CUL1: variants seen among roughly 807,000 people sequenced by gnomAD.
CUL1 encodes cullin 1, also known as cullin-1.
CUL1 carries 24 observed loss-of-function variants against 118.0 expected under a neutral mutation model. That is an observed-to-expected ratio of 0.20 (90% confidence interval 0.15 to 0.29). The LOEUF (loss-of-function observed/expected upper bound fraction) is 0.29. Among genes scored for constraint, CUL1 ranks in the 10% least tolerant of loss-of-function variants. The pLI is 1.00. For synonymous variants in CUL1, 332 were observed against 340.4 expected (o/e 0.98, Z 0.27); for missense variants, 361 against 933.8 (o/e 0.39, Z 7.99).
intron 9 of CUL1, among the ~76,000 whole-genome samples, chr7:148,772,648 T>C (rs1424681426): frequency 1.3e-5 from 2 of 152,204 alleles, no homozygotes; most frequent in Non-Finnish European, 2.9e-5. Flanking sequence ...GCCTTGCCTT[T>C]GTCCTTGTCA....
At position 148,795,042 on chromosome 7, in the gene CUL1, A is replaced by C. The variant is rs530831268; in HGVS notation, c.1899+2224A>C. ...CAGACAGGGTTTCACCATGTTGACC[A>C]GGCTGGTCTTGAACTCCTGACCTCA... On this transcript the variant is annotated intron_variant, in intron 17 of 21. Transcript: ENST00000325222. Among the ~76,000 whole-genome samples the C allele has an allele frequency of 1.6e-4, 25 of 152,228 alleles. No homozygotes were observed. In the East Asian group the frequency reaches 4.6e-3, roughly 28 times the overall value.
intron 9 of CUL1, among the ~76,000 whole-genome samples, chr7:148,770,682 T>C (rs1800179284): frequency 6.6e-6 from 1 of 152,204 alleles, no homozygotes; most frequent in Non-Finnish European, 1.5e-5. Context: ...TCGCCATCTC[T>C]GGGAAAGCCC....
intron 1 of CUL1, among the ~76,000 whole-genome samples, chr7:148,714,616 G>A (rs1798153504): frequency 6.6e-6 from 1 of 152,168 alleles, no homozygotes; most frequent in Admixed American, 6.5e-5. Flanking sequence ...CTGGTTTGGA[G>A]TCTGTCTGTC....
intron 2 of CUL1, among the ~76,000 whole-genome samples, chr7:148,753,471 G>C (rs1799558505): frequency 7.1e-6 from 1 of 140,086 alleles, no homozygotes; most frequent in African/African-American, 2.5e-5. Context: ...TCACTGATAA[G>C]TTTTAGATGG....
intron 9 of CUL1, among the ~76,000 whole-genome samples, chr7:148,768,051 G>T (rs186385593): frequency 6.6e-6 from 1 of 151,968 alleles, no homozygotes; most frequent in African/African-American, 2.4e-5. Context: ...GAAACAAAAG[G>T]CTCCTGGAAG....
intron 2 of CUL1, among the ~76,000 whole-genome samples, chr7:148,740,281 C>G (rs1297708641): frequency 6.6e-6 from 1 of 152,138 alleles, no homozygotes; most frequent in Non-Finnish European, 1.5e-5. Flanking sequence ...TCTTGAACTC[C>G]TGACCTCCAG....
chr7:148,761,480 C>T (rs982070420), intron 7 of CUL1, among the ~76,000 whole-genome samples: 4 of 152,128 alleles, frequency 2.6e-5, no homozygotes, highest in African/African-American at 9.7e-5. Flanking sequence ...CACTGCCCTC[C>T]AGCCTGGGTG....
chr7:148,754,222 G>C, intron 3 of CUL1, 72 bp downstream of exon 3: 2 of 1,024,574 alleles, frequency 2.0e-6, no homozygotes, highest in Non-Finnish European at 2.8e-6. Flanking sequence ...GTTCTAACTT[G>C]TTAAATCTTT....
intron 4 of CUL1, 79 bp from the exon 5 acceptor site, chr7:148,759,225 G>T: frequency 7.4e-7 from 1 of 1,346,396 alleles, no homozygotes; most frequent in Non-Finnish European, 1.1e-6. Context: ...AGTAATTTGA[G>T]ATTTAGGTTA....
intron 2 of CUL1, among the ~76,000 whole-genome samples, chr7:148,736,800 G>T (rs780671953): frequency 5.3e-5 from 8 of 152,206 alleles, no homozygotes; most frequent in Non-Finnish European, 1.0e-4. Context: ...GAAGACTGTT[G>T]ACATGGAATA....
At chr7:148,728,126 G>A (rs563042246) in intron 1 of CUL1, among the ~76,000 whole-genome samples, 28 of 152,310 alleles carry the variant, frequency 1.8e-4, no homozygotes, top group African/African-American at 6.3e-4. Context: ...AATGAAGTCC[G>A]TAGCAGTTGA....
intron 2 of CUL1, among the ~76,000 whole-genome samples, chr7:148,747,536 C>T (rs1204025232): frequency 6.6e-6 from 1 of 152,060 alleles, no homozygotes; most frequent in Non-Finnish European, 1.5e-5. Flanking sequence ...TGAGAGCTGA[C>T]GTTTCCATGG....
intron 1 of CUL1, among the ~76,000 whole-genome samples, chr7:148,702,862 A>T (rs1012939457): frequency 5.3e-5 from 8 of 152,178 alleles, no homozygotes; most frequent in African/African-American, 1.9e-4. Context: ...TGGGACAGGG[A>T]CACTGTGATA....
At chr7:148,711,187 T>C (rs747138728) in intron 1 of CUL1, among the ~76,000 whole-genome samples, 5 of 152,264 alleles carry the variant, frequency 3.3e-5, no homozygotes, top group Non-Finnish European at 5.9e-5. Context: ...TCTGTGCATA[T>C]ATGTTTCTCC....
In CUL1 at chr7:148,759,515, C is replaced by A. The variant is rs1291875935; in HGVS notation, c.535-33C>A. On this transcript the variant is annotated intron_variant, in intron 5 of 21. Coordinates refer to ENST00000325222, the MANE Select transcript of CUL1 (RefSeq NM_003592.3). ...TAGTAATATATATCATATTCTATAA[C>A]CTGTGTAATATTTTTCTACATCCTT... 5 of 1,418,688 alleles carry A rather than the reference C, an allele frequency of 3.5e-6. No homozygotes were observed. The African/African-American group carries it at 4.3e-5, about 12-fold the overall frequency. 87.9% of individuals were successfully genotyped at this position (1,418,688 alleles called of 1,614,324 possible).
At chr7:148,731,886 ATAGC>A (rs1212605318) in intron 2 of CUL1, among the ~76,000 whole-genome samples, 1 of 152,164 alleles carries the variant, frequency 6.6e-6, no homozygotes, top group African/African-American at 2.4e-5. Flanking sequence ...ACTCAGTTGT[ATAGC>A]TAGTCTACAT....
In CUL1 at chr7:148,760,316, C is replaced by T. The variant is rs1362319162; in HGVS notation, c.626-17C>T. ...AAAAAATAGGGTAATTGAAATATAG[C>T]TCATATTCATTTCTAGTGGAATTGG... On this transcript the variant is annotated splice_polypyrimidine_tract_variant and intron_variant, in intron 6 of 21. Coordinates refer to ENST00000325222, the MANE Select transcript of CUL1 (RefSeq NM_003592.3). 3.8e-6 allele frequency: 6 copies of T among 1,589,606 alleles called. No individual in the cohort carries two copies. Among genetic ancestry groups the T allele is most frequent in the Non-Finnish European group, 5.1e-6 (6 of 1,170,028 alleles).
intron 1 of CUL1, among the ~76,000 whole-genome samples, chr7:148,717,267 G>A (rs1234224581): frequency 2.0e-5 from 3 of 152,094 alleles, no homozygotes; most frequent in African/African-American, 7.2e-5. Flanking sequence ...ATGTTGGCCA[G>A]GCTGGTCGCG....
At chr7:148,781,079 ATTT>A (rs1197920664) in intron 9 of CUL1, among the ~76,000 whole-genome samples, 30 of 93,724 alleles carry the variant, frequency 3.2e-4, no homozygotes, top group African/African-American at 1.1e-3. Context: ...TCAAGGCCAG[ATTT>A]TTTTTTTTTT....
Sources: allele counts gnomAD v4.1 joint callset (sites outside exome capture counted in the v4.1 genomes callset), GRCh38; gene constraint gnomAD v4.1.1; transcripts MANE v1.5; gene names NCBI Gene and HGNC (gene_info 2026-07-23, HGNC 2026-07-21).